The following TRPA1 variants were observed in gnomAD, a reference collection of about 807,000 sequenced individuals.
TRPA1 encodes ankyrin-like with transmembrane domains 1.
TRPA1 carries 129 observed loss-of-function variants against 131.3 expected under a neutral mutation model. The ratio of observed to expected loss-of-function variants is 0.98; its 90% CI spans 0.85 to 1.14. The LOEUF (loss-of-function observed/expected upper bound fraction) is 1.14. Ranked by LOEUF, TRPA1 falls within the 50% of genes most tolerant of loss-of-function variation. TRPA1 has a pLI of 0.00. For missense variants in TRPA1, 1,304 were observed against 1,354.2 expected (o/e 0.96, Z 0.58); for synonymous variants, 441 against 451.7 (o/e 0.98, Z 0.30).
the TRPA1 span, among the ~76,000 whole-genome samples, chr8:72,086,517 T>C: frequency 6.6e-6 from 1 of 152,212 alleles, no homozygotes; most frequent in South Asian, 2.1e-4. Context: ...TATTGAATAA[T>C]TGTTTAAATA....
chr8:72,066,510 T>C (rs1805935351), intron 3 of TRPA1, among the ~76,000 whole-genome samples: 1 of 152,234 alleles, frequency 6.6e-6, no homozygotes, highest in Admixed American at 6.5e-5. Context: ...CAGAGCCTCT[T>C]GTTAACAGAA....
chr8:72,029,597 C>T (rs1811732727), intron 24 of TRPA1: 2 of 470,456 alleles, frequency 4.3e-6, no homozygotes, highest in Non-Finnish European at 3.9e-6. Flanking sequence ...TGATTTTTGA[C>T]TTTATGATGT....
In TRPA1 at chr8:72,056,958, G is replaced by T; in HGVS notation, c.1153C>A (p.Gln385Lys). 2 of 1,609,614 alleles carry T rather than the reference G, an allele frequency of 1.2e-6. No individual in the cohort carries two copies. Among genetic ancestry groups the T allele is most frequent in the South Asian group, 2.2e-5 (2 of 90,620 alleles). ...CGCAGATTTTTTAATCCATAAGGTT[G>T]CTGTACAGTTAAATGCAGAAAATTA... ...GRNFLHLTVQQPYGLKNLRPE... is the reference protein window; with the variant it reads ...GRNFLHLTVQKPYGLKNLRPE... The change falls in exon 10 of 27, where the codon CAA becomes AAA. Residue 385 changes from glutamine (Q) to lysine (K), a missense_variant. By Grantham distance (53) the Gln-to-Lys change is moderately conservative. Transcript: ENST00000262209.
chr8:72,068,958 G>A lies in TRPA1; in HGVS notation c.444+65C>T, dbSNP rs546944352. On this transcript the variant is annotated intron_variant, in intron 3 of 26. Transcript: ENST00000262209. ...GCTCATCCTGGTGCAAGCAGAGAGAGCTGGATCTGGGTCCCAGCACCTGCA... is the reference window on the plus strand; with the variant it reads ...GCTCATCCTGGTGCAAGCAGAGAGAACTGGATCTGGGTCCCAGCACCTGCA... 42 of 1,558,872 alleles carry A rather than the reference G, an allele frequency of 2.7e-5. No homozygotes were observed. The East Asian group carries it at 9.2e-4, about 34-fold the overall frequency.
chr8:72,065,937 A>T (rs10104081), intron 3 of TRPA1, among the ~76,000 whole-genome samples: 1 of 151,884 alleles, frequency 6.6e-6, no homozygotes, highest in South Asian at 2.1e-4. Flanking sequence ...CTCATGGTGG[A>T]GGGGGAAGAG....
At chr8:72,024,751 C>A (rs1811523541) in intron 25 of TRPA1, among the ~76,000 whole-genome samples, 2 of 152,096 alleles carry the variant, frequency 1.3e-5, no homozygotes, top group South Asian at 4.1e-4. Flanking sequence ...GGTCCGGGAA[C>A]TGAAGAGTGA....
At chr8:72,047,252 C>A in intron 15 of TRPA1, 45 bp from the exon 16 acceptor site, 1 of 1,367,434 alleles carries the variant, frequency 7.3e-7, no homozygotes, top group Non-Finnish European at 1.0e-6. Flanking sequence ...CAGTACACTA[C>A]ATATTAGGAA....
chr8:72,053,008 AG>A (rs1435323885), intron 13 of TRPA1: 427 of 29,094 alleles, frequency 0.015, 1 homozygote, highest in South Asian at 0.02. Context: ...AGATAGAGAA[AG>A]AGAGAGAGAG....
In TRPA1 at chr8:72,038,039, C is replaced by G. The variant is rs1180653718; in HGVS notation, c.2329G>C (p.Val777Leu). Residue 777 changes from valine to leucine, a missense_variant, in exon 20 of 27, where the codon GTG (valine) becomes CTG (leucine). Physicochemically the swap from Val to Leu is conservative, Grantham distance 32. Transcript: ENST00000262209. The stretch of plus-strand genomic sequence containing the variant: ...TACCCAAATATACTTGATAAAAACA[C>G]TAAAATCATACAAGTTTTTATTAGA... ...SYLIKTCMIL[V>L]FLSSIFGYCK... The G allele has an allele frequency of 6.3e-7, 1 of 1,597,810 alleles. No individual in the cohort carries two copies. Among genetic ancestry groups the G allele is most frequent in the South Asian group, 1.1e-5 (1 of 90,386 alleles).
Position 72,071,799 on chromosome 8 carries a change from G to A in TRPA1, c.180C>T (p.Asp60=), listed in dbSNP as rs532037998. The change falls in exon 2 of 27, where the codon GAC becomes GAT. Residue 60 remains aspartate, a synonymous_variant. Coordinates refer to ENST00000262209, the MANE Select transcript of TRPA1 (RefSeq NM_007332.3). ...AATGCAAGAAGAAGGTGTCCATATCGTCACATCTTTTTAATTTCTTTTGCT... is the reference window on the plus strand; with the variant it reads ...AATGCAAGAAGAAGGTGTCCATATCATCACATCTTTTTAATTTCTTTTGCT... The part of the protein sequence containing the change: ...FNKQKKLKRC[D]DMDTFFLHYA... 1.8e-4 allele frequency: 284 copies of A among 1,613,212 alleles called. 3 individuals carry two copies. The South Asian group carries it at 2.4e-3, about 14-fold the overall frequency.
intron 8 of TRPA1, among the ~76,000 whole-genome samples, chr8:72,058,169 T>C (rs1022858494): frequency 1.3e-5 from 2 of 152,148 alleles, no homozygotes; most frequent in Non-Finnish European, 2.9e-5. Context: ...GTCTATAATT[T>C]TAAAACTCTC....
In TRPA1 at chr8:72,075,506, G is replaced by C; in HGVS notation, c.-97C>G. ...GTCAGCCTGCCAGGCGCTGGGGTCC[G>C]CGCGAGCCCGAGCTCTCCCGCGCTG... is the stretch of plus-strand genomic sequence containing the variant. On this transcript the variant is annotated 5_prime_UTR_variant, in exon 1 of 27. Transcript: ENST00000262209. 9.9e-7 allele frequency: 1 copy of C among 1,008,262 alleles called. No individual in the cohort carries two copies. Among genetic ancestry groups the C allele is most frequent in the African/African-American group, 1.6e-5 (1 of 63,904 alleles). The allele number at this position is 1,008,262 out of a possible 1,614,324, so 62.5% of individuals were successfully genotyped here.
chr8:72,084,647 A>ATT, the TRPA1 span, among the ~76,000 whole-genome samples: 20,355 of 104,812 alleles, frequency 0.19, 2,495 homozygotes, highest in Non-Finnish European at 0.21. Context: ...TAAAATGATA[A>ATT]TTTTTTTTTT....
intron 26 of TRPA1, 200 bp downstream of exon 26, chr8:72,023,614 C>G: frequency 2.0e-6 from 1 of 510,208 alleles, no homozygotes; most frequent in African/African-American, 1.9e-5. Flanking sequence ...GATTGGAAGG[C>G]AAACTGATTG....
chr8:72,040,908 C>T (rs1333478952), intron 17 of TRPA1, among the ~76,000 whole-genome samples: 1 of 152,006 alleles, frequency 6.6e-6, no homozygotes, highest in African/African-American at 2.4e-5. Flanking sequence ...GTTAATCTCT[C>T]CTATTAAAAT....
chr8:72,050,846 T>C lies in TRPA1; in HGVS notation c.1837A>G (p.Ser613Gly). Residue 613 changes from serine to glycine, a missense_variant, in exon 15 of 27, where the codon AGT (serine) becomes GGT (glycine). Physicochemically the swap from Ser to Gly is moderately conservative, Grantham distance 56 (BLOSUM62 0). Transcript: ENST00000262209. ...CATTTATTGCCTGGAGAATTATGAC[T>C]GAAAATCTTAAGACATTCATCCCAT... is the stretch of plus-strand genomic sequence containing the variant. ...KRWDECLKIF[S>G]HNSPGNKCPI... 6.2e-7 allele frequency: 1 copy of C among 1,610,524 alleles called. No homozygotes were observed. Among genetic ancestry groups the C allele is most frequent in the Non-Finnish European group, 8.5e-7 (1 of 1,177,968 alleles).
In TRPA1 at chr8:72,023,130, CA is replaced by C; in HGVS notation, c.3150-15del. The C allele has an allele frequency of 6.2e-7, 1 of 1,609,900 alleles. No homozygotes were observed. The highest frequency in any genetic ancestry group is 8.5e-7 in the Non-Finnish European group (1 of 1,178,036). The stretch of plus-strand genomic sequence containing the variant: ...AGATCCTTCAGCCTAAAAGGACATA[CA>C]CATTTCATGAATTTATTTTCAGTTC... On this transcript the variant is annotated splice_polypyrimidine_tract_variant and intron_variant, in intron 26 of 26. Coordinates refer to ENST00000262209, the MANE Select transcript of TRPA1 (RefSeq NM_007332.3).
chr8:72,085,709 A>G, the TRPA1 span, among the ~76,000 whole-genome samples: 1 of 152,090 alleles, frequency 6.6e-6, no homozygotes, highest in African/African-American at 2.4e-5. Flanking sequence ...TTTTAACCCA[A>G]TCTTCTTTTT....
At chr8:72,080,587 C>A in the TRPA1 span, among the ~76,000 whole-genome samples, 1 of 151,672 alleles carries the variant, frequency 6.6e-6, no homozygotes, top group Non-Finnish European at 1.5e-5. Context: ...AGTGGCCTCC[C>A]TGAATAAGTT....
Sources: allele counts gnomAD v4.1 joint callset (sites outside exome capture counted in the v4.1 genomes callset), GRCh38; gene constraint gnomAD v4.1.1; transcripts MANE v1.5; gene names NCBI Gene and HGNC (gene_info 2026-07-23, HGNC 2026-07-21).